AASDH: variants seen among roughly 807,000 people sequenced by gnomAD.
AASDH encodes the protein aminoadipate-semialdehyde dehydrogenase, also known as beta-alanine-activating enzyme.
In AASDH, 81 loss-of-function variants were observed where a neutral mutation model predicts 102.3. That is an observed-to-expected ratio of 0.79 (90% confidence interval 0.66 to 0.95). The LOEUF is 0.95. Among genes scored for constraint, AASDH ranks in the 40% least tolerant of loss-of-function variants. The probability of loss-of-function intolerance (pLI) is 0.00; values close to 1 mark genes in which losing one functional copy is unlikely to be tolerated. For missense variants in AASDH, 1,203 were observed against 1,266.2 expected (o/e 0.95, Z 0.76); for synonymous variants, 398 against 454.0 (o/e 0.88, Z 1.57).
Position 56,349,806 on chromosome 4 carries a change from T to C in AASDH, c.1945A>G (p.Ser649Gly). The stretch of plus-strand genomic sequence containing the variant: ...CTGGCTTCCTCTTGATTAATGTCGC[T>C]GAGTTTCCTTTTTGTGGCACAACTC... Reference protein sequence around the residue: ...RKSCATKRKLSDINQEEASGT... With the variant: ...RKSCATKRKLGDINQEEASGT... The change falls in exon 11 of 15, where the codon AGC (serine) becomes GGC (glycine). Residue 649 changes from serine (S) to glycine (G), a missense_variant. Physicochemically the swap from Ser to Gly is moderately conservative, Grantham distance 56 (BLOSUM62 0). Coordinates refer to ENST00000205214, the MANE Select transcript of AASDH (RefSeq NM_181806.4). 6.2e-7 allele frequency: 1 copy of C among 1,614,226 alleles called. No individual in the cohort carries two copies. Among genetic ancestry groups the C allele is most frequent in the Non-Finnish European group, 8.5e-7 (1 of 1,180,036 alleles).
intron 3 of AASDH, among the ~76,000 whole-genome samples, chr4:56,378,971 C>T (rs1016008107): frequency 6.6e-6 from 1 of 152,024 alleles, no homozygotes; most frequent in African/African-American, 2.4e-5. Flanking sequence ...GCAAATTCCG[C>T]CTCCCAGGTT....
At chr4:56,355,513 GA>G in intron 5 of AASDH, 90 bp from the exon 6 acceptor site, 1 of 1,249,194 alleles carries the variant, frequency 8.0e-7, no homozygotes, top group Non-Finnish European at 1.1e-6. Flanking sequence ...TTAACATTTG[GA>G]GCCCACATGG....
At chr4:56,371,692 G>C in intron 4 of AASDH, 49 bp from the exon 5 acceptor site, 1 of 1,489,372 alleles carries the variant, frequency 6.7e-7, no homozygotes, top group Non-Finnish European at 9.1e-7. Context: ...CATTCAGTAA[G>C]CACATATCCT....
At chr4:56,383,927 G>A in intron 2 of AASDH, 143 bp downstream of exon 2, 2 of 533,604 alleles carry the variant, frequency 3.7e-6, no homozygotes, top group Non-Finnish European at 6.4e-6. Flanking sequence ...CTGGGGAAAT[G>A]CAAACTTCTT....
chr4:56,375,007 T>C (rs1384072490), intron 4 of AASDH, among the ~76,000 whole-genome samples: 1 of 152,220 alleles, frequency 6.6e-6, no homozygotes, highest in Non-Finnish European at 1.5e-5. Flanking sequence ...AGTCCTTCCC[T>C]TTCTGGAGCT....
intron 4 of AASDH, among the ~76,000 whole-genome samples, chr4:56,373,129 A>G (rs185166522): frequency 5.5e-4 from 84 of 152,180 alleles, no homozygotes; most frequent in African/African-American, 1.9e-3. Context: ...TAATATTTCT[A>G]TATTTCTAGT....
At chr4:56,378,064 C>T (rs761692722) in intron 4 of AASDH, 84 bp downstream of exon 4, 165 of 1,368,322 alleles carry the variant, frequency 1.2e-4, no homozygotes, top group Non-Finnish European at 1.5e-4. Context: ...CCTCAGCCTC[C>T]CAAAGTGCTG....
intron 5 of AASDH, chr4:56,356,333 G>A (rs2109904654): frequency 1.3e-6 from 2 of 1,549,192 alleles, no homozygotes; most frequent in Non-Finnish European, 8.8e-7. Context: ...GCGGCAGAGA[G>A]CCATCCCTCA....
chr4:56,363,192 G>C (rs576401811), intron 5 of AASDH, among the ~76,000 whole-genome samples: 1 of 152,208 alleles, frequency 6.6e-6, no homozygotes, highest in South Asian at 2.1e-4. Context: ...GCCCACCATC[G>C]CCGAGGCTTG....
At chr4:56,363,825 C>A (rs1388758131) in intron 5 of AASDH, among the ~76,000 whole-genome samples, 1 of 152,182 alleles carries the variant, frequency 6.6e-6, no homozygotes, top group Non-Finnish European at 1.5e-5. Context: ...CTCTCCTCCT[C>A]CAAAGGAACG....
At position 56,349,515 on chromosome 4, in the gene AASDH, G is replaced by A; in HGVS notation, c.2236C>T (p.Pro746Ser). ...TCCATTTTCTGAGTCCCTATCGCAG[G>A]TTTCCCCTCTTCAGAAACTTTTGCA... Reference protein sequence around the residue: ...CVAKVSEEGKPAIGTQKMELH... With the variant: ...CVAKVSEEGKSAIGTQKMELH... The change falls in exon 11 of 15, where the codon CCT (proline) becomes TCT (serine). Residue 746 changes from proline to serine, a missense_variant. Physicochemically the swap from Pro to Ser is moderately conservative, Grantham distance 74. Coordinates refer to ENST00000205214, the MANE Select transcript of AASDH (RefSeq NM_181806.4). 6.2e-7 allele frequency: 1 copy of A among 1,614,174 alleles called. No homozygotes were observed. Among genetic ancestry groups the A allele is most frequent in the Non-Finnish European group, 8.5e-7 (1 of 1,180,026 alleles).
chr4:56,374,889 A>C (rs1047197434), intron 4 of AASDH, among the ~76,000 whole-genome samples: 4 of 152,114 alleles, frequency 2.6e-5, no homozygotes, highest in African/African-American at 9.7e-5. Context: ...AAATCAACTA[A>C]TTTTTAACTG....
intron 1 of AASDH, among the ~76,000 whole-genome samples, chr4:56,385,901 C>A (rs1753496277): frequency 6.6e-6 from 1 of 151,522 alleles, no homozygotes; most frequent in African/African-American, 2.4e-5. Flanking sequence ...AGCCACCGCG[C>A]CCGGCCGAGT....
intron 5 of AASDH, chr4:56,356,409 A>C: frequency 6.3e-7 from 1 of 1,591,652 alleles, no homozygotes; most frequent in Non-Finnish European, 8.5e-7. Flanking sequence ...CCAAACAGCT[A>C]CTCAGCTGCT....
chr4:56,386,754 C>T (rs1008120121), intron 1 of AASDH, among the ~76,000 whole-genome samples: 9 of 119,772 alleles, frequency 7.5e-5, no homozygotes, highest in Non-Finnish European at 1.3e-4. Flanking sequence ...GATTGCGCCA[C>T]TGCAGTCCGC....
In AASDH at chr4:56,338,319, T is replaced by TATAAA; in HGVS notation, c.*78_*82dup. 1 of 1,436,100 alleles carries TATAAA rather than the reference T, an allele frequency of 7.0e-7. No individual in the cohort carries two copies. Among genetic ancestry groups the TATAAA allele is most frequent in the South Asian group, 1.4e-5 (1 of 73,390 alleles). The allele number at this position is 1,436,100 out of a possible 1,614,324, so 89.0% of individuals were successfully genotyped here. ...TTAGCCAAAATATAATCTTCTTTAA[T>TATAAA]ATAAAATAAGTCCACATGATGTATA... is the stretch of plus-strand genomic sequence containing the variant. On this transcript the variant is annotated 3_prime_UTR_variant, in exon 15 of 15. Coordinates refer to ENST00000205214, the MANE Select transcript of AASDH (RefSeq NM_181806.4).
At chr4:56,350,513 T>G (rs1560574685) in intron 10 of AASDH, among the ~76,000 whole-genome samples, 1 of 151,672 alleles carries the variant, frequency 6.6e-6, no homozygotes, top group Non-Finnish European at 1.5e-5. Context: ...ATAATAAAAA[T>G]AAAGTTTTAA....
chr4:56,338,915 C>CA, intron 14 of AASDH, 124 bp from the exon 15 acceptor site: 1 of 972,716 alleles, frequency 1.0e-6, no homozygotes, highest in Non-Finnish European at 1.5e-6. Context: ...TAACTATACA[C>CA]AGACAAAATG....
At position 56,349,823 on chromosome 4, in the gene AASDH, G is replaced by T. The variant is rs143160554; in HGVS notation, c.1928C>A (p.Ala643Asp). 913 of 1,614,076 alleles carry T rather than the reference G, an allele frequency of 5.7e-4. 2 individuals are homozygous for T. In the African/African-American group the frequency reaches 0.01, roughly 18 times the overall value. The change falls in exon 11 of 15, where the codon GCC becomes GAC. Residue 643 changes from alanine to aspartate, a missense_variant. Coordinates refer to ENST00000205214, the MANE Select transcript of AASDH (RefSeq NM_181806.4). ...AATGTCGCTGAGTTTCCTTTTTGTG[G>T]CACAACTCTTCCTGAATGTCACATC... ...DEDVTFRKSCATKRKLSDINQ... is the reference protein window; with the variant it reads ...DEDVTFRKSCDTKRKLSDINQ...
Sources: allele counts gnomAD v4.1 joint callset (sites outside exome capture counted in the v4.1 genomes callset), GRCh38; gene constraint gnomAD v4.1.1; transcripts MANE v1.5; gene names NCBI Gene and HGNC (gene_info 2026-07-23, HGNC 2026-07-21).